Variants in FRMD4A observed in about 807,000 individuals in gnomAD.
FRMD4A encodes FERM domain containing 4A.
A neutral mutation model predicts 129.1 loss-of-function variants in FRMD4A; 29 were observed. That is an observed-to-expected ratio of 0.22 (90% CI 0.17 to 0.31). FRMD4A has a LOEUF of 0.31. Among genes scored for constraint, FRMD4A ranks in the 10% least tolerant of loss-of-function variants. The pLI is 1.00. For synonymous variants in FRMD4A, 634 were observed against 571.6 expected (o/e 1.11, Z -1.56); for missense variants, 1,272 against 1,375.8 (o/e 0.92, Z 1.19).
At chr10:14,298,850 G>T (rs1249823941) in intron 2 of FRMD4A, among the ~76,000 whole-genome samples, 1 of 152,166 alleles carries the variant, frequency 6.6e-6, no homozygotes, top group African/African-American at 2.4e-5. Flanking sequence ...TGAGGCAGGA[G>T]GGAAAGGGAA....
chr10:13,666,471 A>C (rs2083045424), intron 17 of FRMD4A, 146 bp from the exon 18 acceptor site: 2 of 625,760 alleles, frequency 3.2e-6, no homozygotes, highest in East Asian at 5.5e-5. Flanking sequence ...CACCCACTGA[A>C]GTCCCCAGGC....
intron 2 of FRMD4A, among the ~76,000 whole-genome samples, chr10:14,067,773 T>C (rs1483295380): frequency 3.3e-5 from 5 of 152,108 alleles, no homozygotes; most frequent in Non-Finnish European, 7.4e-5. Flanking sequence ...GCAGAGATTG[T>C]GCAACTGCAC....
intron 2 of FRMD4A, among the ~76,000 whole-genome samples, chr10:13,931,168 G>C (rs1306113632): frequency 6.6e-6 from 1 of 152,172 alleles, no homozygotes; most frequent in Admixed American, 6.5e-5. Flanking sequence ...GGGAAGAGGA[G>C]ATTAGAGATG....
chr10:13,914,618 C>T (rs2698110), intron 2 of FRMD4A, among the ~76,000 whole-genome samples: 122,604 of 151,944 alleles, frequency 0.81, 49,827 homozygotes, highest in South Asian at 0.89. Context: ...TTCCAACAGG[C>T]CAAAGAGAGA....
At chr10:14,313,302 G>T (rs1846623938) in intron 2 of FRMD4A, among the ~76,000 whole-genome samples, 1 of 152,154 alleles carries the variant, frequency 6.6e-6, no homozygotes, top group Admixed American at 6.5e-5. Context: ...TGTTGAGGCT[G>T]CAGTGAGCTA....
At chr10:13,884,246 T>TA (rs1315020859) in intron 2 of FRMD4A, among the ~76,000 whole-genome samples, 1 of 138,212 alleles carries the variant, frequency 7.2e-6, no homozygotes, top group African/African-American at 2.7e-5. Flanking sequence ...ACACACTCCC[T>TA]AAAAGGCATC....
intron 2 of FRMD4A, chr10:13,972,248 G>A: frequency 1.0e-6 from 1 of 993,548 alleles, no homozygotes; most frequent in Non-Finnish European, 1.2e-6. Flanking sequence ...GAGAGCTGCA[G>A]CCTTCCCTGC....
intron 5 of FRMD4A, among the ~76,000 whole-genome samples, chr10:13,789,275 G>A (rs1157696118): frequency 1.3e-5 from 2 of 152,134 alleles, no homozygotes; most frequent in East Asian, 3.9e-4. Flanking sequence ...AGCAGCTGCT[G>A]TCTCCATCAG....
chr10:14,224,418 T>G (rs80190420), intron 2 of FRMD4A, among the ~76,000 whole-genome samples: 2,394 of 152,336 alleles, frequency 0.016, 67 homozygotes, highest in African/African-American at 0.055. Flanking sequence ...AGAGCATAGC[T>G]GTGGTTTAGT....
intron 2 of FRMD4A, among the ~76,000 whole-genome samples, chr10:13,879,802 T>G: frequency 8.6e-6 from 1 of 116,642 alleles, no homozygotes; most frequent in East Asian, 3.1e-4. Context: ...CCCTTCCTCC[T>G]CCTCCTCCTC....
At chr10:14,288,721 C>T (rs1428484756) in intron 2 of FRMD4A, among the ~76,000 whole-genome samples, 1 of 152,082 alleles carries the variant, frequency 6.6e-6, no homozygotes, top group African/African-American at 2.4e-5. Flanking sequence ...TACAGCATAT[C>T]TCTAGAATTT....
chr10:14,251,348 G>T (rs1470768101), intron 2 of FRMD4A, among the ~76,000 whole-genome samples: 3 of 152,104 alleles, frequency 2.0e-5, no homozygotes, highest in Non-Finnish European at 4.4e-5. Context: ...ATGTCATGAG[G>T]CACCTCTATG....
At chr10:14,131,396 G>GC (rs145039808) in intron 2 of FRMD4A, among the ~76,000 whole-genome samples, 1,972 of 149,042 alleles carry the variant, frequency 0.013, 38 homozygotes, top group African/African-American at 0.045. Flanking sequence ...AACTCACTGT[G>GC]CCCCCCCCGG....
chr10:14,275,664 T>C (rs1375948342), intron 2 of FRMD4A, among the ~76,000 whole-genome samples: 1 of 152,212 alleles, frequency 6.6e-6, no homozygotes, highest in East Asian at 1.9e-4. Context: ...ATGGTCAAGG[T>C]GGTTAACTGC....
intron 2 of FRMD4A, among the ~76,000 whole-genome samples, chr10:14,170,456 T>A (rs554679917): frequency 6.6e-6 from 1 of 152,224 alleles, no homozygotes; most frequent in South Asian, 2.1e-4. Flanking sequence ...AAATCACAAA[T>A]GTTCCTCGAA....
At chr10:13,956,705 C>A (rs1357171056) in intron 2 of FRMD4A, among the ~76,000 whole-genome samples, 2 of 152,100 alleles carry the variant, frequency 1.3e-5, no homozygotes, top group Non-Finnish European at 2.9e-5. Flanking sequence ...TTTTTCTGAG[C>A]GGCAGAGAAA....
At chr10:14,260,197 C>T (rs1844752898) in intron 2 of FRMD4A, among the ~76,000 whole-genome samples, 1 of 152,138 alleles carries the variant, frequency 6.6e-6, no homozygotes, top group South Asian at 2.1e-4. Context: ...CCCAGCATGC[C>T]ATGATCCAGC....
At chr10:14,075,251 C>T (rs1409303821) in intron 2 of FRMD4A, among the ~76,000 whole-genome samples, 1 of 152,134 alleles carries the variant, frequency 6.6e-6, no homozygotes. Context: ...AAATGCTGCT[C>T]ATCTGATTAT....
intron 2 of FRMD4A, among the ~76,000 whole-genome samples, chr10:14,108,139 C>T (rs1400675839): frequency 1.3e-5 from 2 of 152,138 alleles, no homozygotes; most frequent in Admixed American, 6.5e-5. Flanking sequence ...CTTTTTTTCC[C>T]TCTGTAGAGA....
Sources: gnomAD v4.1 joint callset for allele counts (sites outside exome capture counted in the v4.1 genomes callset) on GRCh38, gnomAD v4.1.1 for gene constraint, MANE v1.5 for transcripts, NCBI Gene and HGNC (gene_info 2026-07-23, HGNC 2026-07-21) for gene names.